Variants in AGBL1 observed in about 807,000 individuals in gnomAD.
AGBL1 encodes the protein cytosolic carboxypeptidase 4.
A neutral mutation model predicts 118.9 loss-of-function variants in AGBL1; 130 were observed. The observed-to-expected ratio is 1.09, with a 90% CI of 0.95 to 1.26. The LOEUF is 1.26. Ranked by LOEUF, AGBL1 falls within the 50% of genes most tolerant of loss-of-function variation. The pLI, the probability that AGBL1 is intolerant of heterozygous loss-of-function variation, is 0.00. For missense variants in AGBL1, 1,584 were observed against 1,298.1 expected (o/e 1.22, Z -3.38); for synonymous variants, 555 against 478.9 (o/e 1.16, Z -2.08).
chr15:86,414,385 T>C (rs2081661527), intron 18 of AGBL1, among the ~76,000 whole-genome samples: 1 of 152,100 alleles, frequency 6.6e-6, no homozygotes, highest in Non-Finnish European at 1.5e-5. Flanking sequence ...ACAAATATTT[T>C]AGCCTGTCTA....
At chr15:86,449,034 A>G (rs986788339) in intron 18 of AGBL1, among the ~76,000 whole-genome samples, 2 of 152,200 alleles carry the variant, frequency 1.3e-5, no homozygotes, top group Admixed American at 6.5e-5. Context: ...TAACAATAAA[A>G]GTTAAAGCTG....
intron 20 of AGBL1, among the ~76,000 whole-genome samples, chr15:86,547,615 C>G (rs1223296613): frequency 6.6e-6 from 1 of 152,040 alleles, no homozygotes. Context: ...AGGTAAAAGG[C>G]ATAACATTAT....
chr15:86,173,366 A>C (rs2077440475), intron 5 of AGBL1: 1 of 151,918 alleles, frequency 6.6e-6, no homozygotes, highest in South Asian at 2.1e-4. Context: ...AGAGTTTGCA[A>C]ATATTTTTTT....
chr15:86,265,654 G>A (rs922720093), intron 11 of AGBL1, among the ~76,000 whole-genome samples: 1 of 152,112 alleles, frequency 6.6e-6, no homozygotes, highest in African/African-American at 2.4e-5. Context: ...CCTACCCCCT[G>A]CACTTTATCT....
At chr15:86,518,307 G>C (rs2083146575) in intron 18 of AGBL1, among the ~76,000 whole-genome samples, 1 of 150,904 alleles carries the variant, frequency 6.6e-6, no homozygotes, top group African/African-American at 2.4e-5. Flanking sequence ...GAGGATCCCT[G>C]TTCTCAGTAG....
intron 24 of AGBL1, among the ~76,000 whole-genome samples, chr15:87,014,889 G>A (rs150696356): frequency 6.6e-6 from 1 of 152,170 alleles, no homozygotes; most frequent in East Asian, 1.9e-4. Flanking sequence ...TCACTGAATA[G>A]AGGGCTGCCT....
intron 21 of AGBL1, among the ~76,000 whole-genome samples, chr15:86,571,224 G>A (rs1334513143): frequency 1.3e-5 from 2 of 152,160 alleles, no homozygotes; most frequent in African/African-American, 4.8e-5. Flanking sequence ...GATCCCTGAA[G>A]GGCCACAGCT....
At chr15:86,962,345 T>A (rs2081000964) in intron 23 of AGBL1, among the ~76,000 whole-genome samples, 1 of 152,088 alleles carries the variant, frequency 6.6e-6, no homozygotes, top group African/African-American at 2.4e-5. Flanking sequence ...CATTTCCAAA[T>A]GATTCTCCAG....
intron 5 of AGBL1, among the ~76,000 whole-genome samples, chr15:86,206,362 A>G (rs935925589): frequency 1.3e-5 from 2 of 152,136 alleles, no homozygotes; most frequent in African/African-American, 4.8e-5. Flanking sequence ...TGGTACTTCT[A>G]GTTCTAGATC....
chr15:86,103,884 G>C (rs180977772), intron 1 of AGBL1, among the ~76,000 whole-genome samples: 1 of 152,356 alleles, frequency 6.6e-6, no homozygotes, highest in Admixed American at 6.5e-5. Context: ...CAATGGGCCA[G>C]GTGGATGGGT....
chr15:86,991,196 C>G (rs538644072), intron 24 of AGBL1, among the ~76,000 whole-genome samples: 21 of 152,298 alleles, frequency 1.4e-4, no homozygotes, highest in Non-Finnish European at 2.8e-4. Flanking sequence ...TTTTCTCTGG[C>G]AAATGATACA....
At chr15:86,225,866 C>A (rs2078354055) in intron 6 of AGBL1, among the ~76,000 whole-genome samples, 1 of 152,154 alleles carries the variant, frequency 6.6e-6, no homozygotes, top group Non-Finnish European at 1.5e-5. Context: ...TCTCTGTCAA[C>A]TATAAGCAGA....
At chr15:86,281,679 G>C (rs1448725754) in intron 16 of AGBL1, among the ~76,000 whole-genome samples, 1 of 152,130 alleles carries the variant, frequency 6.6e-6, no homozygotes, top group Non-Finnish European at 1.5e-5. Flanking sequence ...AGCCATGCAG[G>C]AACAGAACAT....
chr15:86,972,242 A>T (rs1054432560), intron 23 of AGBL1, among the ~76,000 whole-genome samples: 3 of 152,020 alleles, frequency 2.0e-5, no homozygotes, highest in African/African-American at 7.2e-5. Flanking sequence ...CAACTCTGTC[A>T]TAGATTATTG....
At chr15:86,624,266 T>C (rs2084852275) in intron 21 of AGBL1, among the ~76,000 whole-genome samples, 1 of 152,228 alleles carries the variant, frequency 6.6e-6, no homozygotes, top group Non-Finnish European at 1.5e-5. Context: ...AGCAAGTGAA[T>C]TGAATGTTAA....
intron 18 of AGBL1, among the ~76,000 whole-genome samples, chr15:86,498,366 A>G (rs2082879004): frequency 6.6e-6 from 1 of 151,956 alleles, no homozygotes; most frequent in African/African-American, 2.4e-5. Flanking sequence ...CCTGGTACAG[A>G]GGTTGCACCA....
At chr15:86,291,987 G>C (rs186165563) in intron 16 of AGBL1, among the ~76,000 whole-genome samples, 3 of 152,254 alleles carry the variant, frequency 2.0e-5, no homozygotes, top group Non-Finnish European at 4.4e-5. Flanking sequence ...ACTTAGTGTT[G>C]TGTCAAATCC....
intron 21 of AGBL1, among the ~76,000 whole-genome samples, chr15:86,574,819 C>T (rs1313380255): frequency 1.3e-5 from 2 of 151,710 alleles, no homozygotes; most frequent in Non-Finnish European, 2.9e-5. Context: ...CTCAAGTGAC[C>T]TACCGTCCTT....
chr15:86,776,092 A>G (rs1402076007), intron 22 of AGBL1, among the ~76,000 whole-genome samples: 2 of 152,042 alleles, frequency 1.3e-5, no homozygotes, highest in African/African-American at 4.8e-5. Context: ...ATCATTTTCC[A>G]CCTCCTCTTG....
Sources: allele counts gnomAD v4.1 joint callset (sites outside exome capture counted in the v4.1 genomes callset), GRCh38; gene constraint gnomAD v4.1.1; transcripts MANE v1.5; gene names NCBI Gene and HGNC (gene_info 2026-07-23, HGNC 2026-07-21).